Variants in RRAS observed in about 807,000 individuals in gnomAD.
The protein encoded by RRAS is ras-related protein R-Ras.
Under a neutral mutation model 23.3 loss-of-function variants are expected in RRAS, and 18 were observed. That is an observed-to-expected ratio of 0.77 (90% CI 0.53 to 1.15). RRAS has a LOEUF of 1.15. RRAS is among the 50% of genes most tolerant of loss of function. The pLI is 0.00. For synonymous variants in RRAS, 133 were observed against 138.3 expected, an observed-to-expected ratio of 0.96 and a Z score of 0.27; for missense variants, 291 against 317.1, an observed-to-expected ratio of 0.92 and a Z score of 0.62.
In RRAS at chr19:49,640,059, G is replaced by C; in HGVS notation, c.40C>G (p.Pro14Ala). Residue 14 changes from proline (P) to alanine (A), a missense_variant, in exon 1 of 6, where the codon CCC (proline) becomes GCC (alanine). Coordinates refer to ENST00000246792, the MANE Select transcript of RRAS (RefSeq NM_006270.5). ...GAASGTGRGR[P>A]RGGGPGPGDP... The stretch of plus-strand genomic sequence containing the variant: ...CCGGGCCCAGGTCCCCCGCCCCGGG[G>C]CCGCCCCCGCCCTGTCCCGGACGCC... The C allele has an allele frequency of 6.8e-7, 1 of 1,480,746 alleles. No homozygotes were observed. The highest frequency in any genetic ancestry group is 8.9e-7 in the Non-Finnish European group (1 of 1,124,566). The allele number at this position is 1,480,746 out of a possible 1,614,324, so 91.7% of individuals were successfully genotyped here. A position where few individuals can be genotyped will look rare whatever the true frequency, so the allele number is the denominator to read the frequency against.
At chr19:49,639,172 G>A (rs1426032860) in intron 1 of RRAS, among the ~76,000 whole-genome samples, 1 of 152,130 alleles carries the variant, frequency 6.6e-6, no homozygotes, top group African/African-American at 2.4e-5. Context: ...GCTCATGCCT[G>A]TAATCCCAGC....
chr19:49,637,340 CTT>C (rs1160297409), intron 1 of RRAS, among the ~76,000 whole-genome samples: 4 of 117,218 alleles, frequency 3.4e-5, no homozygotes, highest in Non-Finnish European at 4.9e-5. Flanking sequence ...GAGTTTCGCT[CTT>C]GTTGCACAGG....
chr19:49,637,130 A>G lies in RRAS; in HGVS notation c.154T>C (p.Ser52Pro). ...GGGTCGTAGTCAGACACGAAGTAGG[A>G]CTGGCGGGGTGGGGAGAGGATAGTT... ...KSALTIQFIQ[S>P]YFVSDYDPTI... Residue 52 changes from serine to proline, a missense_variant and splice_region_variant, in exon 2 of 6, where the codon TCC becomes CCC. By Grantham distance (74) the Ser-to-Pro change is moderately conservative. Coordinates refer to ENST00000246792, the MANE Select transcript of RRAS (RefSeq NM_006270.5). The G allele has an allele frequency of 6.2e-7, 1 of 1,610,840 alleles. No homozygotes were observed. The highest frequency in any genetic ancestry group is 8.5e-7 in the Non-Finnish European group (1 of 1,178,840).
chr19:49,635,681 G>A lies in RRAS; in HGVS notation c.573-21C>T, dbSNP rs749615646. ...ATTTCCTGTGGGAAAACGCCAGTGA[G>A]TTTGGAGTGGAAGGGCTGGGGACAA... is the stretch of plus-strand genomic sequence containing the variant. On this transcript the variant is annotated intron_variant, in intron 5 of 5. Coordinates refer to ENST00000246792, the MANE Select transcript of RRAS (RefSeq NM_006270.5). The A allele has an allele frequency of 6.0e-6, 9 of 1,499,990 alleles. No individual in the cohort carries two copies. The East Asian group carries it at 2.0e-4, about 33-fold the overall frequency. The allele number at this position is 1,499,990 out of a possible 1,614,324, so 92.9% of individuals were successfully genotyped here.
At position 49,636,811 on chromosome 19, in the gene RRAS, C is replaced by T. The variant is rs1368464; in HGVS notation, c.344+13G>A. 0.68 allele frequency: 1,099,222 copies of T among 1,610,700 alleles called. 377,300 individuals are homozygous for T. Among genetic ancestry groups the T allele is most frequent in the East Asian group, 0.83 (37,249 of 44,854 alleles). The stretch of plus-strand genomic sequence containing the variant: ...CACCCACCCACTGCTCCGCCACCAG[C>T]AACCCCTGTCACCTCTGCCGGTCGT... On this transcript the variant is annotated intron_variant, in intron 3 of 5. Coordinates refer to ENST00000246792, the MANE Select transcript of RRAS (RefSeq NM_006270.5). The surrounding 1 kb of genome is among the most constrained non-coding windows in gnomAD (Gnocchi z 4.5).
In RRAS at chr19:49,635,574, G is replaced by A. The variant is rs1335562600; in HGVS notation, c.*2C>T. On this transcript the variant is annotated 3_prime_UTR_variant, in exon 6 of 6. Transcript: ENST00000246792. ...GTGGTGGTTGCTTCTCTCTTGCCTG[G>A]GCTACAGGAGGACGCAGGGGCAGCC... The A allele has an allele frequency of 7.0e-7, 1 of 1,435,670 alleles. No individual in the cohort carries two copies. The highest frequency in any genetic ancestry group is 9.2e-7 in the Non-Finnish European group (1 of 1,085,772). The allele number at this position is 1,435,670 out of a possible 1,614,324, so 88.9% of individuals were successfully genotyped here. A position where few individuals can be genotyped will look rare whatever the true frequency, so the allele number is the denominator to read the frequency against.
Position 49,637,109 on chromosome 19 carries a change from C to T in RRAS, c.175G>A (p.Asp59Asn). The change falls in exon 2 of 6, where the codon GAC becomes AAC. Residue 59 changes from aspartate (D) to asparagine (N), a missense_variant. Transcript: ENST00000246792. ...FIQSYFVSDYDPTIEDSYTKI... is the reference protein window; with the variant it reads ...FIQSYFVSDYNPTIEDSYTKI... ...GTGTAGGAGTCCTCAATAGTGGGGTCGTAGTCAGACACGAAGTAGGACTGG... is the reference window on the plus strand; with the variant it reads ...GTGTAGGAGTCCTCAATAGTGGGGTTGTAGTCAGACACGAAGTAGGACTGG... 6.2e-7 allele frequency: 1 copy of T among 1,613,104 alleles called. No homozygotes were observed. Among genetic ancestry groups the T allele is most frequent in the South Asian group, 1.1e-5 (1 of 90,946 alleles).
At chr19:49,638,474 T>A (rs532722723) in intron 1 of RRAS, among the ~76,000 whole-genome samples, 1 of 152,074 alleles carries the variant, frequency 6.6e-6, no homozygotes, top group South Asian at 2.1e-4. Flanking sequence ...GGAGGTTTCC[T>A]GGGCTGGGGT....
In RRAS at chr19:49,636,840, T is replaced by G; in HGVS notation, c.328A>C (p.Ile110Leu). The G allele has an allele frequency of 1.2e-6, 2 of 1,613,266 alleles. No individual in the cohort carries two copies. The highest frequency in any genetic ancestry group is 1.7e-6 in the Non-Finnish European group (2 of 1,179,952). ...CCCTGTCACCTCTGCCGGTCGTTAA[T>G]GGCGAACACCAGCAGGAAGCCGTGG... ...AGHGFLLVFA[I>L]NDRQSFNEVG... The change falls in exon 3 of 6, where the codon ATT becomes CTT. Residue 110 changes from isoleucine to leucine, a missense_variant. By Grantham distance (5) the Ile-to-Leu change is conservative (BLOSUM62 2). Transcript: ENST00000246792. This position sits in a 1 kb window ranked among gnomAD's most constrained non-coding sequence, Gnocchi z 4.5.
In RRAS at chr19:49,635,871, C is replaced by T. The variant is rs776793181; in HGVS notation, c.454-19G>A. On this transcript the variant is annotated intron_variant, in intron 4 of 5. Coordinates refer to ENST00000246792, the MANE Select transcript of RRAS (RefSeq NM_006270.5). ...GGGGGACCTGGGGGTAGGGGGGACA[C>T]GGGGGAGTCAGGTCCCTGCACTCAG... 21 of 431,746 alleles carry T rather than the reference C, an allele frequency of 4.9e-5. No homozygotes were observed. The highest frequency in any genetic ancestry group is 3.3e-4 in the South Asian group (17 of 52,170). The allele number at this position is 431,746 out of a possible 1,614,324, so 26.7% of individuals were successfully genotyped here.
Position 49,639,967 on chromosome 19 carries a change from C to T in RRAS, c.132G>A (p.Ala44=), listed in dbSNP as rs2081014748. 2.5e-6 allele frequency: 4 copies of T among 1,591,056 alleles called. No individual in the cohort carries two copies. The highest frequency in any genetic ancestry group is 3.4e-6 in the Non-Finnish European group (4 of 1,174,524). Residue 44 remains alanine, a synonymous_variant, in exon 1 of 6, where the codon GCG becomes GCA. Coordinates refer to ENST00000246792, the MANE Select transcript of RRAS (RefSeq NM_006270.5). ...VVGGGGVGKS[A]LTIQFIQSYF... is the part of the protein sequence containing the mutation. ...CTACCTGGATGAACTGGATGGTCAG[C>T]GCGCTCTTGCCCACGCCGCCGCCGC...
chr19:49,637,205 T>C, intron 1 of RRAS, 75 bp from the exon 2 acceptor site: 2 of 1,059,266 alleles, frequency 1.9e-6, no homozygotes, highest in Non-Finnish European at 2.8e-6. Flanking sequence ...GGGATGCCTC[T>C]CTCAGTCTCT....
In RRAS at chr19:49,640,026, G is replaced by A. The variant is rs1212916232; in HGVS notation, c.73C>T (p.Pro25Ser). Residue 25 changes from proline to serine, a missense_variant, in exon 1 of 6, where the codon CCG (proline) becomes TCG (serine). Pro to Ser is a moderately conservative substitution (Grantham distance 74). Coordinates refer to ENST00000246792, the MANE Select transcript of RRAS (RefSeq NM_006270.5). ...RGGGPGPGDP[P>S]PSETHKLVVV... is the part of the protein sequence containing the mutation. ...ACCAGCTTGTGTGTCTCGCTGGGCG[G>A]GGGGTCCCCGGGCCCAGGTCCCCCG... The A allele has an allele frequency of 6.5e-7, 1 of 1,548,638 alleles. No individual in the cohort carries two copies. Among genetic ancestry groups the A allele is most frequent in the Admixed American group, 1.9e-5 (1 of 53,180 alleles).
At chr19:49,639,154 G>A (rs1350301612) in intron 1 of RRAS, among the ~76,000 whole-genome samples, 1 of 152,112 alleles carries the variant, frequency 6.6e-6, no homozygotes, top group Admixed American at 6.5e-5. Context: ...GTGGGGCCGG[G>A]CACGGTGGCT....
rs942496401 is a variant in RRAS at position 49,636,007 on chromosome 19, G to A, written c.454-155C>T. Among the ~76,000 whole-genome samples the A allele has an allele frequency of 1.3e-5, 2 of 152,190 alleles. No homozygotes were observed. The highest frequency in any genetic ancestry group is 2.9e-5 in the Non-Finnish European group (2 of 68,032). ...CTGAGAGATTATGGAGGGAGATGCC[G>A]CAGGGGCTTGGTGTCTTCTAAGTAA... On this transcript the variant is annotated intron_variant, in intron 4 of 5. Transcript: ENST00000246792. The surrounding 1 kb of genome is among the most constrained non-coding windows in gnomAD (Gnocchi z 4.5).
rs749539343 is a variant in RRAS at position 49,639,980 on chromosome 19, ACGC to A, written c.116_118del (p.Gly39del). The A allele has an allele frequency of 7.6e-6, 12 of 1,588,406 alleles. No homozygotes were observed. The highest frequency in any genetic ancestry group is 2.7e-5 in the African/African-American group (2 of 73,098). ...CTGGATGGTCAGCGCGCTCTTGCCC[ACGC>A]CGCCGCCGCCCACGACCACCAGCTT... On this transcript the variant is annotated inframe_deletion, in exon 1 of 6. Coordinates refer to ENST00000246792, the MANE Select transcript of RRAS (RefSeq NM_006270.5).
intron 4 of RRAS, 106 bp from the exon 5 acceptor site, chr19:49,635,958 T>G: frequency 1.8e-6 from 1 of 560,218 alleles, no homozygotes; most frequent in Middle Eastern, 4.9e-4. Flanking sequence ...TGACCCACTG[T>G]GAGAACTCAA....
intron 1 of RRAS, among the ~76,000 whole-genome samples, chr19:49,638,686 C>T (rs1282792658): frequency 2.6e-5 from 4 of 152,048 alleles, no homozygotes; most frequent in African/African-American, 9.7e-5. Flanking sequence ...TGGGAGCCAG[C>T]CCGGAGGTGG....
At position 49,640,032 on chromosome 19, in the gene RRAS, C is replaced by A; in HGVS notation, c.67G>T (p.Asp23Tyr). ...RPRGGGPGPG[D>Y]PPPSETHKLV... ...TTGTGTGTCTCGCTGGGCGGGGGGT[C>A]CCCGGGCCCAGGTCCCCCGCCCCGG... Residue 23 changes from aspartate (D) to tyrosine (Y), a missense_variant, in exon 1 of 6, where the codon GAC (aspartate) becomes TAC (tyrosine). Physicochemically the swap from Asp to Tyr is radical, Grantham distance 160. Coordinates refer to ENST00000246792, the MANE Select transcript of RRAS (RefSeq NM_006270.5). 1.3e-6 allele frequency: 2 copies of A among 1,541,062 alleles called. No individual in the cohort carries two copies. The highest frequency in any genetic ancestry group is 1.2e-5 in the South Asian group (1 of 85,558).
Sources: gnomAD v4.1 joint callset for allele counts (sites outside exome capture counted in the v4.1 genomes callset) on GRCh38, gnomAD v4.1.1 for gene constraint, Gnocchi (gnomAD v3.1) non-coding constraint, MANE v1.5 for transcripts, NCBI Gene and HGNC (gene_info 2026-07-23, HGNC 2026-07-21) for gene names.